Variants in DPH5 observed in about 807,000 individuals in gnomAD.
DPH5 encodes diphthine methyl ester synthase.
In DPH5, 31 loss-of-function variants were observed where a neutral mutation model predicts 31.6. The observed-to-expected ratio is 0.98, with a 90% confidence interval of 0.74 to 1.32. The LOEUF (loss-of-function observed/expected upper bound fraction) is 1.32. DPH5 is among the 40% of genes most tolerant of loss of function. The pLI is 0.00. For synonymous variants in DPH5, 120 were observed against 115.0 expected (o/e 1.04, Z -0.28); for missense variants, 309 against 335.7 (o/e 0.92, Z 0.62).
At chr1:100,994,636 C>T (rs968822753) in intron 6 of DPH5, among the ~76,000 whole-genome samples, 14 of 151,984 alleles carry the variant, frequency 9.2e-5, no homozygotes, top group East Asian at 1.9e-4. Context: ...AAGCGATTCT[C>T]GTGCCTCAAC....
At chr1:101,021,106 C>A (rs1660405471) in intron 3 of DPH5, among the ~76,000 whole-genome samples, 1 of 152,090 alleles carries the variant, frequency 6.6e-6, no homozygotes, top group Non-Finnish European at 1.5e-5. Flanking sequence ...AGTAGATGCC[C>A]ATCTTCGTGG....
chr1:101,019,829 T>TG (rs1435361589), intron 3 of DPH5, among the ~76,000 whole-genome samples: 1 of 146,958 alleles, frequency 6.8e-6, no homozygotes, highest in African/African-American at 2.5e-5. Context: ...AAGTCTAAAA[T>TG]GGAAAAAAAA....
intron 2 of DPH5, among the ~76,000 whole-genome samples, chr1:101,023,755 C>T (rs927219587): frequency 6.6e-6 from 1 of 152,146 alleles, no homozygotes; most frequent in Admixed American, 6.5e-5. Flanking sequence ...TATTTCTGAA[C>T]AGTTTTGTGC....
At position 100,996,622 on chromosome 1, in the gene DPH5, C is replaced by T. The variant is rs549991640; in HGVS notation, c.491-1473G>A. Reference sequence around the variant, plus strand: ...CTACTGAATAAATTTACTCAAGTGACTCTCCTACCACTCAGTCACCAGCCC... The same window carrying T: ...CTACTGAATAAATTTACTCAAGTGATTCTCCTACCACTCAGTCACCAGCCC... On this transcript the variant is annotated intron_variant, in intron 5 of 7. Transcript: ENST00000370109. Among the ~76,000 whole-genome samples, 4 of 152,248 alleles carry T rather than the reference C, an allele frequency of 2.6e-5. No individual in the cohort carries two copies. In the South Asian group the frequency reaches 8.3e-4, roughly 32 times the overall value.
At chr1:101,009,573 T>C (rs1384966316) in intron 4 of DPH5, among the ~76,000 whole-genome samples, 1 of 152,192 alleles carries the variant, frequency 6.6e-6, no homozygotes, top group Non-Finnish European at 1.5e-5. Context: ...CCCTACTCCA[T>C]ACAGTACAAG....
At chr1:101,020,125 T>A (rs1443199071) in intron 3 of DPH5, among the ~76,000 whole-genome samples, 3 of 152,282 alleles carry the variant, frequency 2.0e-5, no homozygotes, top group African/African-American at 7.2e-5. Flanking sequence ...ATTAATTACA[T>A]CAAGGTACTT....
At chr1:101,014,029 C>T (rs576699997) in intron 3 of DPH5, among the ~76,000 whole-genome samples, 1 of 152,280 alleles carries the variant, frequency 6.6e-6, no homozygotes, top group African/African-American at 2.4e-5. Flanking sequence ...GCTACTGTAA[C>T]ACTCCTAAAG....
chr1:101,022,132 CA>C (rs1368931942), intron 2 of DPH5, among the ~76,000 whole-genome samples: 2 of 151,900 alleles, frequency 1.3e-5, no homozygotes, highest in Non-Finnish European at 2.9e-5. Flanking sequence ...TGATGTAATA[CA>C]GAATAAATAT....
chr1:101,025,347 C>A lies in DPH5; in HGVS notation c.97G>T (p.Ala33Ser), dbSNP rs773978803. The change falls in exon 2 of 8, where the codon GCC becomes TCC. Residue 33 changes from alanine to serine, a missense_variant. By Grantham distance (99) the Ala-to-Ser change is moderately conservative. Transcript: ENST00000370109. ...VRRCSRVYLE[A>S]YTSVLTVGKE... Reference sequence around the variant, plus strand: ...CCTACAGTTAGGACTGAGGTGTAGGCTTCCAGATACACTCGACTGCAGCGT... The same window carrying A: ...CCTACAGTTAGGACTGAGGTGTAGGATTCCAGATACACTCGACTGCAGCGT... The A allele has an allele frequency of 7.4e-6, 12 of 1,614,108 alleles. No individual in the cohort carries two copies. In the East Asian group the frequency reaches 2.2e-4, roughly 30 times the overall value.
intron 1 of DPH5, 84 bp downstream of exon 1, chr1:101,025,599 C>T: frequency 1.2e-6 from 1 of 863,138 alleles, no homozygotes; most frequent in South Asian, 1.8e-5. Flanking sequence ...AACCTTATGT[C>T]ACGCTTAAGA....
chr1:100,993,983 C>A (rs1367784177), intron 6 of DPH5, among the ~76,000 whole-genome samples: 2 of 151,992 alleles, frequency 1.3e-5, no homozygotes, highest in African/African-American at 2.4e-5. Context: ...ACCTCGTGAT[C>A]CACCTGCCTC....
At position 101,013,703 on chromosome 1, in the gene DPH5, G is replaced by T; in HGVS notation, c.369+7C>A. On this transcript the variant is annotated splice_region_variant and intron_variant, in intron 4 of 7. Transcript: ENST00000370109. ...ATTCCACTGAAAAACCTCCTTTGTT[G>T]CATTACCTGTAAACCACAGCAGCCT... 6.5e-7 allele frequency: 1 copy of T among 1,547,858 alleles called. No homozygotes were observed. Among genetic ancestry groups the T allele is most frequent in the African/African-American group, 1.4e-5 (1 of 72,572 alleles).
intron 6 of DPH5, among the ~76,000 whole-genome samples, chr1:100,993,342 G>C (rs1450761253): frequency 4.0e-5 from 6 of 151,492 alleles, no homozygotes; most frequent in African/African-American, 1.5e-4. Flanking sequence ...CACAAAGTCA[G>C]GAGTTTGAGA....
chr1:101,023,273 T>C (rs544134107), intron 2 of DPH5: 4 of 152,344 alleles, frequency 2.6e-5, no homozygotes, highest in Admixed American at 2.6e-4. Flanking sequence ...GTTCATCTCC[T>C]GGCTCTATCA....
chr1:101,008,619 A>G (rs969255546), intron 4 of DPH5, among the ~76,000 whole-genome samples: 1 of 152,190 alleles, frequency 6.6e-6, no homozygotes, highest in African/African-American at 2.4e-5. Flanking sequence ...CTAGACAGCC[A>G]AGGTTTCTTT....
intron 4 of DPH5, among the ~76,000 whole-genome samples, chr1:101,006,179 A>AT (rs1659220074): frequency 6.6e-6 from 1 of 152,232 alleles, no homozygotes; most frequent in East Asian, 1.9e-4. Context: ...TTGAGTCACA[A>AT]TTGACCTCAA....
intron 5 of DPH5, among the ~76,000 whole-genome samples, chr1:101,001,059 T>G (rs1658829366): frequency 1.3e-5 from 2 of 152,334 alleles, no homozygotes; most frequent in South Asian, 2.1e-4. Flanking sequence ...CTCTTTCAGA[T>G]CTATCATTGT....
In DPH5 at chr1:101,008,123, T is replaced by C. The variant is rs184276593; in HGVS notation, c.369+5587A>G. Among the ~76,000 whole-genome samples, 8 of 152,348 alleles carry C rather than the reference T, an allele frequency of 5.3e-5. No individual in the cohort carries two copies. The South Asian group carries it at 8.3e-4, about 16-fold the overall frequency. On this transcript the variant is annotated intron_variant, in intron 4 of 7. Transcript: ENST00000370109. Reference sequence around the variant, plus strand: ...CTAAATGTTGGAAAAGAGGCTGGCTTTTTGGCTTCCAAATCTATATTAGAC... The same window carrying C: ...CTAAATGTTGGAAAAGAGGCTGGCTCTTTGGCTTCCAAATCTATATTAGAC...
intron 2 of DPH5, among the ~76,000 whole-genome samples, chr1:101,022,454 T>C (rs959892464): frequency 6.6e-6 from 1 of 152,216 alleles, no homozygotes; most frequent in East Asian, 1.9e-4. Flanking sequence ...ACAAATCCAG[T>C]AGAGAGTGAG....
Sources: allele counts gnomAD v4.1 joint callset (sites outside exome capture counted in the v4.1 genomes callset), GRCh38; gene constraint gnomAD v4.1.1; transcripts MANE v1.5; gene names NCBI Gene and HGNC (gene_info 2026-07-23, HGNC 2026-07-21).